Variants in MGST1 observed in about 807,000 individuals in gnomAD.
MGST1 encodes the protein microsomal glutathione S-transferase 1.
MGST1 carries 5 observed loss-of-function variants against 8.9 expected under a neutral mutation model. The ratio of observed to expected loss-of-function variants is 0.56; its 90% confidence interval spans 0.29 to 1.19. MGST1 has a LOEUF of 1.19. Among genes scored for constraint, MGST1 ranks in the 50% most tolerant of loss-of-function variants. The probability of loss-of-function intolerance (pLI) is 0.08; values close to 1 mark genes in which losing one functional copy is unlikely to be tolerated. For missense variants in MGST1, 182 were observed against 187.4 expected (o/e 0.97, Z 0.17); for synonymous variants, 54 against 67.8 (o/e 0.80, Z 1.00).
chr12:16,414,067 A>AT (rs113047942), intron 1 of MGST1, among the ~76,000 whole-genome samples: 6 of 140,454 alleles, frequency 4.3e-5, no homozygotes, highest in Admixed American at 3.6e-4. Flanking sequence ...TTATACAAAA[A>AT]AAAAAATAAT....
intron 1 of MGST1, among the ~76,000 whole-genome samples, chr12:16,351,174 C>T (rs9332892): frequency 0.02 from 3,011 of 152,188 alleles, 103 homozygotes; most frequent in African/African-American, 0.069. Flanking sequence ...GATAAACTTA[C>T]CTTAATTTTA....
intron 1 of MGST1, among the ~76,000 whole-genome samples, chr12:16,416,719 A>C (rs1940790743): frequency 1.3e-5 from 2 of 152,206 alleles, no homozygotes; most frequent in South Asian, 4.1e-4. Context: ...CATGTAATCC[A>C]TAACACAGGA....
intron 4 of MGST1, among the ~76,000 whole-genome samples, chr12:16,579,090 AG>A (rs957236574): frequency 3.9e-5 from 6 of 152,178 alleles, no homozygotes; most frequent in Admixed American, 3.3e-4. Flanking sequence ...TTTTTTAAAA[AG>A]GCACTGATTA....
intron 1 of MGST1, among the ~76,000 whole-genome samples, chr12:16,403,909 C>A (rs1202468340): frequency 6.6e-6 from 1 of 152,118 alleles, no homozygotes; most frequent in Non-Finnish European, 1.5e-5. Flanking sequence ...CTACTGATCT[C>A]TCCTTTGACA....
chr12:16,509,747 G>A (rs1241172024), intron 4 of MGST1, among the ~76,000 whole-genome samples: 1 of 152,144 alleles, frequency 6.6e-6, no homozygotes, highest in Admixed American at 6.6e-5. Flanking sequence ...GGTCTCTTGT[G>A]CCTGAAACAA....
intron 4 of MGST1, among the ~76,000 whole-genome samples, chr12:16,479,595 ACACT>A (rs2137143131): frequency 7.4e-6 from 1 of 135,984 alleles, no homozygotes; most frequent in African/African-American, 2.8e-5. Context: ...GTAAGGTGAC[ACACT>A]CATGGCTCAC....
chr12:16,501,713 T>C (rs914429202), intron 4 of MGST1, among the ~76,000 whole-genome samples: 1 of 152,182 alleles, frequency 6.6e-6, no homozygotes, highest in African/African-American at 2.4e-5. Context: ...ATGAAAATTC[T>C]TCCAAATTTG....
At position 16,446,059 on chromosome 12, in the gene MGST1, T is replaced by C. The variant is rs149193180; in HGVS notation, n.482+62455T>C. The stretch of plus-strand genomic sequence containing the variant: ...TGGGAAAATCACCAAAGTATGGTTT[T>C]GTGGACCTAGTGGAACCACTTAATC... On this transcript the variant is annotated intron_variant and non_coding_transcript_variant, in intron 4 of 4. Transcript: ENST00000538857. 2.9e-3 allele frequency among the ~76,000 whole-genome samples: 446 copies of C among 152,090 alleles called. 1 individual carries two copies. Among genetic ancestry groups the C allele is most frequent in the Non-Finnish European group, 4.9e-3 (334 of 67,914 alleles).
At chr12:16,486,103 A>G (rs1295771928) in intron 4 of MGST1, among the ~76,000 whole-genome samples, 1 of 152,170 alleles carries the variant, frequency 6.6e-6, no homozygotes, top group Admixed American at 6.5e-5. Context: ...CTTTGCCCAA[A>G]TGGGACCTCG....
At chr12:16,518,747 G>C (rs1337319807) in intron 4 of MGST1, among the ~76,000 whole-genome samples, 2 of 152,138 alleles carry the variant, frequency 1.3e-5, no homozygotes, top group Non-Finnish European at 2.9e-5. Flanking sequence ...GCATTCCCAT[G>C]GGGCTCACAA....
intron 1 of MGST1, among the ~76,000 whole-genome samples, chr12:16,353,673 A>G (rs1939576202): frequency 6.7e-6 from 1 of 149,538 alleles, no homozygotes; most frequent in Non-Finnish European, 1.5e-5. Context: ...TTTTGCTTAT[A>G]CTGCACCCTT....
intron 4 of MGST1, among the ~76,000 whole-genome samples, chr12:16,499,438 G>A (rs1029265293): frequency 6.6e-6 from 1 of 152,100 alleles, no homozygotes; most frequent in Non-Finnish European, 1.5e-5. Context: ...ATCTGTGGGT[G>A]TTTTGTCCCC....
intron 4 of MGST1, among the ~76,000 whole-genome samples, chr12:16,565,792 C>CA (rs992330657): frequency 8.6e-5 from 13 of 150,586 alleles, no homozygotes; most frequent in African/African-American, 3.2e-4. Flanking sequence ...GGAGGTTCCT[C>CA]AAAAAAATTA....
At chr12:16,436,699 G>T (rs535249096) in intron 1 of MGST1, among the ~76,000 whole-genome samples, 68 of 152,036 alleles carry the variant, frequency 4.5e-4, no homozygotes, top group African/African-American at 1.6e-3. Flanking sequence ...TTTCACAAGA[G>T]CCTTATTGAA....
intron 1 of MGST1, among the ~76,000 whole-genome samples, chr12:16,411,393 G>A (rs1940741889): frequency 6.6e-6 from 1 of 152,148 alleles, no homozygotes. Context: ...GTTACCATAT[G>A]ATACACTTGT....
chr12:16,436,776 T>C (rs1940991281), intron 1 of MGST1, among the ~76,000 whole-genome samples: 1 of 152,004 alleles, frequency 6.6e-6, no homozygotes, highest in Non-Finnish European at 1.5e-5. Flanking sequence ...GTTAACTACC[T>C]TGTCCACAGT....
intron 4 of MGST1, among the ~76,000 whole-genome samples, chr12:16,577,132 C>A (rs964197964): frequency 2.0e-5 from 3 of 152,098 alleles, no homozygotes; most frequent in African/African-American, 7.2e-5. Context: ...ACATCTGTAT[C>A]CCTCATATCT....
intron 1 of MGST1, chr12:16,399,413 A>G (rs187022108): frequency 6.7e-4 from 1,021 of 1,514,702 alleles, no homozygotes; most frequent in Non-Finnish European, 8.5e-4. Flanking sequence ...CTTCTTCCTT[A>G]TAACAACTTT....
intron 4 of MGST1, among the ~76,000 whole-genome samples, chr12:16,469,423 A>T (rs750419898): frequency 1.7e-3 from 254 of 152,256 alleles, no homozygotes; most frequent in Non-Finnish European, 3.0e-3. Context: ...TCCTGACTTC[A>T]GATGATCTGC....
Sources: allele counts gnomAD v4.1 joint callset (sites outside exome capture counted in the v4.1 genomes callset), GRCh38; gene constraint gnomAD v4.1.1; transcripts MANE v1.5; gene names NCBI Gene and HGNC (gene_info 2026-07-23, HGNC 2026-07-21).